Variants in TNR observed in about 807,000 individuals in gnomAD.
The protein encoded by TNR is tenascin R, also known as tenascin-R.
In TNR, 45 loss-of-function variants were observed where a neutral mutation model predicts 150.4. The observed-to-expected ratio is 0.30, with a 90% CI of 0.24 to 0.38. TNR has a LOEUF of 0.38. TNR is among the 10% of genes least tolerant of loss of function. The probability of loss-of-function intolerance (pLI) is 1.00; values close to 1 mark genes in which losing one functional copy is unlikely to be tolerated. For missense variants in TNR, 1,544 were observed against 1,759.1 expected, an observed-to-expected ratio of 0.88 and a Z score of 2.19; for synonymous variants, 687 against 678.4, an observed-to-expected ratio of 1.01 and a Z score of -0.20.
chr1:175,622,216 G>T, intron 1 of TNR, among the ~76,000 whole-genome samples: 1 of 152,340 alleles, frequency 6.6e-6, no homozygotes, highest in African/African-American at 2.4e-5. Context: ...TCTGGAAGGA[G>T]CACTGTAGGC....
intron 1 of TNR, among the ~76,000 whole-genome samples, chr1:175,646,287 G>T (rs910904004): frequency 6.6e-6 from 1 of 152,144 alleles, no homozygotes. Context: ...GTATTTGACT[G>T]CATTGACTGG....
At chr1:175,353,637 A>T (rs1651170371) in intron 18 of TNR, among the ~76,000 whole-genome samples, 1 of 152,174 alleles carries the variant, frequency 6.6e-6, no homozygotes, top group Non-Finnish European at 1.5e-5. Flanking sequence ...CAGTTGTTAT[A>T]TAAGAACTGA....
At chr1:175,668,057 C>T (rs1256120116) in intron 1 of TNR, among the ~76,000 whole-genome samples, 1 of 152,136 alleles carries the variant, frequency 6.6e-6, no homozygotes, top group Admixed American at 6.6e-5. Context: ...ACAAGGTCCC[C>T]AGGTGGTTCA....
intron 2 of TNR, among the ~76,000 whole-genome samples, chr1:175,444,992 C>T (rs997366262): frequency 2.0e-5 from 3 of 152,076 alleles, no homozygotes; most frequent in African/African-American, 4.8e-5. Context: ...CTGAGGCAGC[C>T]GGGCGCGGTG....
intron 2 of TNR, among the ~76,000 whole-genome samples, chr1:175,527,030 A>C (rs1234906564): frequency 6.6e-6 from 1 of 152,220 alleles, no homozygotes; most frequent in Non-Finnish European, 1.5e-5. Context: ...TTTTATCCAC[A>C]CAAGTGCTTT....
intron 1 of TNR, among the ~76,000 whole-genome samples, chr1:175,740,984 C>CT (rs1667910468): frequency 6.6e-6 from 1 of 152,218 alleles, no homozygotes; most frequent in Non-Finnish European, 1.5e-5. Flanking sequence ...CCAGGGTTCT[C>CT]TCTTTGCAGT....
chr1:175,529,152 C>T (rs1375210465), intron 1 of TNR, among the ~76,000 whole-genome samples: 2 of 152,130 alleles, frequency 1.3e-5, no homozygotes, highest in Non-Finnish European at 2.9e-5. Context: ...GTTGGTGGCT[C>T]GATAATTATG....
chr1:175,375,984 G>A (rs371327081), intron 9 of TNR, among the ~76,000 whole-genome samples: 24 of 152,320 alleles, frequency 1.6e-4, no homozygotes, highest in African/African-American at 5.8e-4. Context: ...GCTCAAGGAT[G>A]CACTTTTCAT....
chr1:175,386,087 G>T lies in TNR; in HGVS notation c.1722C>A (p.Val574=). The change falls in exon 8 of 23, where the codon GTC becomes GTA. Residue 574 remains valine (V), a synonymous_variant. Coordinates refer to ENST00000367674, the MANE Select transcript of TNR (RefSeq NM_003285.3). The part of the protein sequence containing the change: ...LRPGSRYEVS[V]SAVRGTNESD... ...TCTCGTTGGTCCCTCGGACGGCACT[G>T]ACTGACACCTCGTATCGGGAGCCAG... is the stretch of plus-strand genomic sequence containing the variant. 9 of 1,612,084 alleles carry T rather than the reference G, an allele frequency of 5.6e-6. No individual in the cohort carries two copies. Among genetic ancestry groups the T allele is most frequent in the Non-Finnish European group, 7.6e-6 (9 of 1,178,490 alleles).
chr1:175,692,823 T>C (rs1210315337), intron 1 of TNR, among the ~76,000 whole-genome samples: 1 of 152,146 alleles, frequency 6.6e-6, no homozygotes, highest in Non-Finnish European at 1.5e-5. Flanking sequence ...TAAAGAGGGA[T>C]TATTTGTTAC....
At chr1:175,543,095 A>T (rs138581354) in intron 1 of TNR, among the ~76,000 whole-genome samples, 2 of 152,122 alleles carry the variant, frequency 1.3e-5, no homozygotes, top group Non-Finnish European at 2.9e-5. Context: ...CCAAATTGTC[A>T]TTTTGCACCG....
intron 5 of TNR, among the ~76,000 whole-genome samples, chr1:175,394,991 T>C (rs1158861692): frequency 6.6e-6 from 1 of 152,054 alleles, no homozygotes; most frequent in Non-Finnish European, 1.5e-5. Flanking sequence ...AAGCGGCAGA[T>C]GGTGACCTGC....
At chr1:175,738,030 G>A (rs1028234068) in intron 1 of TNR, among the ~76,000 whole-genome samples, 2 of 152,142 alleles carry the variant, frequency 1.3e-5, no homozygotes, top group African/African-American at 2.4e-5. Flanking sequence ...TTTGGCTGTT[G>A]TACAGATTAG....
At chr1:175,326,696 C>G (rs944975440) in intron 21 of TNR, among the ~76,000 whole-genome samples, 1 of 152,170 alleles carries the variant, frequency 6.6e-6, no homozygotes, top group African/African-American at 2.4e-5. Context: ...GTGAGACAGT[C>G]TCGCTCTGTT....
chr1:175,597,069 A>T (rs80021142), intron 1 of TNR, among the ~76,000 whole-genome samples: 16 of 152,354 alleles, frequency 1.1e-4, no homozygotes, highest in African/African-American at 3.8e-4. Context: ...TGTAATCATT[A>T]TAATAATGAT....
At chr1:175,716,054 T>C (rs1367539775) in intron 1 of TNR, among the ~76,000 whole-genome samples, 3 of 152,206 alleles carry the variant, frequency 2.0e-5, no homozygotes, top group Admixed American at 2.0e-4. Flanking sequence ...CCGCAGACAC[T>C]GGCCTTGGCT....
chr1:175,394,774 AAGCCC>A (rs1653342884), intron 5 of TNR, among the ~76,000 whole-genome samples: 1 of 152,182 alleles, frequency 6.6e-6, no homozygotes, highest in South Asian at 2.1e-4. Flanking sequence ...GGCTGACTGC[AAGCCC>A]ACTTGAAGTT....
At chr1:175,625,313 C>A (rs550540988) in intron 1 of TNR, among the ~76,000 whole-genome samples, 3 of 152,166 alleles carry the variant, frequency 2.0e-5, no homozygotes, top group Non-Finnish European at 4.4e-5. Context: ...ATATCATGAA[C>A]GCAAAGACTG....
At chr1:175,509,116 G>GA in intron 2 of TNR, among the ~76,000 whole-genome samples, 1 of 152,272 alleles carries the variant, frequency 6.6e-6, no homozygotes. Flanking sequence ...TTCCTAGCAG[G>GA]AAACCAGTAT....
Sources: gnomAD v4.1 joint callset for allele counts (sites outside exome capture counted in the v4.1 genomes callset) on GRCh38, gnomAD v4.1.1 for gene constraint, MANE v1.5 for transcripts, NCBI Gene and HGNC (gene_info 2026-07-23, HGNC 2026-07-21) for gene names.